The following SYT14 variants were observed in gnomAD, a reference collection of about 807,000 sequenced individuals.
The protein encoded by SYT14 is synaptotagmin 14, also known as synaptotagmin-14.
A neutral mutation model predicts 74.2 loss-of-function variants in SYT14; 32 were observed. That is an observed-to-expected ratio of 0.43 (90% confidence interval 0.33 to 0.58). The LOEUF is 0.58. Ranked by LOEUF, SYT14 falls within the 20% of genes least tolerant of loss-of-function variation. The pLI is 0.05. For missense variants in SYT14, 791 were observed against 981.8 expected, an observed-to-expected ratio of 0.81 and a Z score of 2.60; for synonymous variants, 298 against 337.7, an observed-to-expected ratio of 0.88 and a Z score of 1.29.
At chr1:210,076,236 A>C (rs2081498259) in intron 5 of SYT14, among the ~76,000 whole-genome samples, 1 of 152,186 alleles carries the variant, frequency 6.6e-6, no homozygotes, top group Non-Finnish European at 1.5e-5. Flanking sequence ...GTGGAACCCC[A>C]AAAAAGCTGA....
Position 210,038,856 on chromosome 1 carries a change from C to T in SYT14, c.1312+17602C>T, listed in dbSNP as rs189932307. On this transcript the variant is annotated intron_variant, in intron 5 of 9. Coordinates refer to ENST00000637265, the Ensembl canonical transcript of SYT14. The stretch of plus-strand genomic sequence containing the variant: ...CTCCCAACACTAGGATTTTTTCCTT[C>T]ATATTGACTTTAGTCTGATGACTAT... 4.6e-4 allele frequency among the ~76,000 whole-genome samples: 70 copies of T among 152,150 alleles called. No homozygotes were observed. In the East Asian group the frequency reaches 0.01, roughly 22 times the overall value.
intron 5 of SYT14, among the ~76,000 whole-genome samples, chr1:210,054,567 T>A (rs1378566564): frequency 6.6e-6 from 1 of 152,220 alleles, no homozygotes; most frequent in African/African-American, 2.4e-5. Flanking sequence ...GATTGTCATA[T>A]GTAACAGTGA....
chr1:210,155,823 C>T, exon 8 of SYT14: 1 of 1,614,044 alleles, frequency 6.2e-7, no homozygotes, highest in Non-Finnish European at 8.5e-7. Context: ...TCTTATTGGC[C>T]TGCTTTATAA....
At chr1:209,955,977 A>G (rs1229764986) in intron 2 of SYT14, among the ~76,000 whole-genome samples, 1 of 152,166 alleles carries the variant, frequency 6.6e-6, no homozygotes, top group Non-Finnish European at 1.5e-5. Context: ...TATAATCAAT[A>G]TTGTTTGCAG....
chr1:210,098,320 C>T (rs2082002439), intron 6 of SYT14, among the ~76,000 whole-genome samples: 1 of 152,128 alleles, frequency 6.6e-6, no homozygotes, highest in Non-Finnish European at 1.5e-5. Context: ...AGACCCCTAG[C>T]CCCCACCAAA....
intron 2 of SYT14, among the ~76,000 whole-genome samples, chr1:209,959,220 A>G (rs1482959479): frequency 2.0e-5 from 3 of 152,004 alleles, no homozygotes; most frequent in Non-Finnish European, 4.4e-5. Flanking sequence ...TCAGCTCACT[A>G]CAACCTCCGC....
chr1:210,120,033 A>G (rs572620449), intron 7 of SYT14, among the ~76,000 whole-genome samples: 7 of 152,228 alleles, frequency 4.6e-5, no homozygotes, highest in South Asian at 2.1e-4. Context: ...TTTCTTTCCT[A>G]TATCTCTTAG....
exon 10 of SYT14, chr1:210,167,392 C>G (rs2083467355): frequency 6.6e-6 from 1 of 152,148 alleles, no homozygotes; most frequent in Non-Finnish European, 1.5e-5. Context: ...TCTTAGGATC[C>G]TTTGTTTCAA....
intron 2 of SYT14, among the ~76,000 whole-genome samples, chr1:209,991,008 A>G (rs911386463): frequency 2.2e-4 from 34 of 152,214 alleles, no homozygotes; most frequent in African/African-American, 8.2e-4. Flanking sequence ...TCTTTGATAA[A>G]GTCAACAAAA....
chr1:209,972,357 G>T (rs1405952313), intron 2 of SYT14, among the ~76,000 whole-genome samples: 1 of 151,846 alleles, frequency 6.6e-6, no homozygotes, highest in East Asian at 1.9e-4. Context: ...GTTTCCTTCA[G>T]TTCTACTCTG....
At chr1:210,170,446 T>G (rs931281477) in exon 10 of SYT14, 61 of 152,126 alleles carry the variant, frequency 4.0e-4, no homozygotes, top group African/African-American at 1.4e-3. Flanking sequence ...TATAATTGTA[T>G]TACATACAGA....
Position 210,149,754 on chromosome 1 carries a change from T to G in SYT14, c.2035-5967T>G, listed in dbSNP as rs75406178. Among the ~76,000 whole-genome samples, 9 of 152,314 alleles carry G rather than the reference T, an allele frequency of 5.9e-5. No homozygotes were observed. In the East Asian group the frequency reaches 1.5e-3, roughly 26 times the overall value. On this transcript the variant is annotated intron_variant, in intron 7 of 9. Transcript: ENST00000637265. ...GTGGTAATATCGTGATTCTGTTTCATTGAACCATCTTTTCATCTTCCTTGG... is the reference window on the plus strand; with the variant it reads ...GTGGTAATATCGTGATTCTGTTTCAGTGAACCATCTTTTCATCTTCCTTGG...
chr1:210,115,155 G>A (rs1169156431), intron 7 of SYT14, among the ~76,000 whole-genome samples: 1 of 151,366 alleles, frequency 6.6e-6, no homozygotes, highest in Non-Finnish European at 1.5e-5. Flanking sequence ...TGGAACCATT[G>A]TCGAGTTTGT....
intron 5 of SYT14, among the ~76,000 whole-genome samples, chr1:210,081,364 C>T (rs2081612319): frequency 6.6e-6 from 1 of 152,202 alleles, no homozygotes; most frequent in Non-Finnish European, 1.5e-5. Flanking sequence ...CTGAGAGATA[C>T]TGCAGGTGCA....
intron 7 of SYT14, among the ~76,000 whole-genome samples, chr1:210,120,970 A>G (rs2082449378): frequency 6.6e-6 from 1 of 152,146 alleles, no homozygotes; most frequent in Admixed American, 6.5e-5. Context: ...AAGTTGTTAG[A>G]TATTCAAGAC....
Position 210,031,089 on chromosome 1 carries a change from CT to C in SYT14, c.1312+9856del, listed in dbSNP as rs35900057. On this transcript the variant is annotated intron_variant, in intron 5 of 9. Coordinates refer to ENST00000637265, the Ensembl canonical transcript of SYT14. ...TACAGGCGTGCACCACCATGCCTGT[CT>C]TTTTTTTTTTTTTTTTTTTTGGTAG... Among the ~76,000 whole-genome samples the C allele has an allele frequency of 6.5e-3, 678 of 104,330 alleles. 2 individuals carry two copies. Among genetic ancestry groups the C allele is most frequent in the African/African-American group, 0.019 (519 of 27,168 alleles). 68.4% of individuals were successfully genotyped at this position (104,330 alleles called of 152,430 possible).
At chr1:210,088,796 G>A (rs1057247706) in intron 5 of SYT14, among the ~76,000 whole-genome samples, 7 of 151,866 alleles carry the variant, frequency 4.6e-5, no homozygotes, top group African/African-American at 7.3e-5. Context: ...TTTATGCTCA[G>A]ACCTATAAAT....
At chr1:209,954,268 G>A (rs1430078416) in intron 2 of SYT14, among the ~76,000 whole-genome samples, 4 of 152,306 alleles carry the variant, frequency 2.6e-5, no homozygotes, top group Admixed American at 6.5e-5. Flanking sequence ...ATTAGATAAG[G>A]ATAGAGGATG....
In SYT14 at chr1:209,957,457, G is replaced by A. The variant is rs186372298; in HGVS notation, c.-486+4701G>A. Among the ~76,000 whole-genome samples, 15 of 151,674 alleles carry A rather than the reference G, an allele frequency of 9.9e-5. No homozygotes were observed. The East Asian group carries it at 2.5e-3, about 26-fold the overall frequency. On this transcript the variant is annotated intron_variant, in intron 2 of 9. Transcript: ENST00000637265. ...TTTTCTTTTTTTTTGAGACAGTCTC[G>A]CTCTTGTCACCCAGGCTGGAGTGCA...
Sources: allele counts gnomAD v4.1 joint callset (sites outside exome capture counted in the v4.1 genomes callset), GRCh38; gene constraint gnomAD v4.1.1; transcripts MANE v1.5; gene names NCBI Gene and HGNC (gene_info 2026-07-23, HGNC 2026-07-21).